The following CDK14 variants were observed in gnomAD, a reference collection of about 807,000 sequenced individuals.
The protein encoded by CDK14 is cyclin dependent kinase 14.
Under a neutral mutation model 60.7 loss-of-function variants are expected in CDK14, and 34 were observed. That is an observed-to-expected ratio of 0.56 (90% confidence interval 0.43 to 0.75). The LOEUF (loss-of-function observed/expected upper bound fraction) is 0.75. CDK14 is among the 30% of genes least tolerant of loss of function. The probability of loss-of-function intolerance (pLI) is 0.00; values close to 1 mark genes in which losing one functional copy is unlikely to be tolerated. For synonymous variants in CDK14, 197 were observed against 203.7 expected, an observed-to-expected ratio of 0.97 and a Z score of 0.28; for missense variants, 482 against 564.1, an observed-to-expected ratio of 0.85 and a Z score of 1.47.
intron 3 of CDK14, among the ~76,000 whole-genome samples, chr7:90,735,624 G>C (rs890809274): frequency 6.6e-6 from 1 of 152,242 alleles, no homozygotes; most frequent in Non-Finnish European, 1.5e-5. Flanking sequence ...TGTTTACACT[G>C]TGAGGGTAAA....
At chr7:90,670,895 G>C (rs549209062) in intron 2 of CDK14, among the ~76,000 whole-genome samples, 2 of 152,142 alleles carry the variant, frequency 1.3e-5, no homozygotes, top group South Asian at 4.2e-4. Flanking sequence ...TCAAAATACA[G>C]TCATCCCTTC....
chr7:90,944,301 C>T (rs1794031033), intron 8 of CDK14, among the ~76,000 whole-genome samples: 1 of 152,162 alleles, frequency 6.6e-6, no homozygotes, highest in Admixed American at 6.5e-5. Context: ...TGGGATGACA[C>T]ACAAGTGCGA....
intron 4 of CDK14, among the ~76,000 whole-genome samples, chr7:90,786,926 C>A (rs1178411602): frequency 7.0e-3 from 613 of 87,648 alleles, no homozygotes; most frequent in African/African-American, 0.011. Context: ...ACCCTGTCTC[C>A]AAAAAAAAAA....
intron 5 of CDK14, among the ~76,000 whole-genome samples, chr7:90,857,084 G>T (rs1790844410): frequency 6.7e-6 from 1 of 149,732 alleles, no homozygotes. Context: ...AATATTAAAG[G>T]TTTTTTTCCC....
chr7:90,971,196 C>T (rs1027014463), intron 9 of CDK14, among the ~76,000 whole-genome samples: 1 of 150,854 alleles, frequency 6.6e-6, no homozygotes, highest in Non-Finnish European at 1.5e-5. Flanking sequence ...TATTGAACAC[C>T]TATTTTGTAC....
At chr7:90,687,628 T>C (rs1584794169) in intron 2 of CDK14, among the ~76,000 whole-genome samples, 1 of 152,230 alleles carries the variant, frequency 6.6e-6, no homozygotes, top group Non-Finnish European at 1.5e-5. Flanking sequence ...AGTGATATGC[T>C]AGGTTTTCAG....
At chr7:90,723,538 T>C (rs1386090489) in intron 2 of CDK14, among the ~76,000 whole-genome samples, 1 of 152,168 alleles carries the variant, frequency 6.6e-6, no homozygotes. Context: ...AGCACCAAAA[T>C]AGAAGAAACA....
At chr7:91,077,453 G>A (rs747254315) in intron 11 of CDK14, among the ~76,000 whole-genome samples, 1 of 151,842 alleles carries the variant, frequency 6.6e-6, no homozygotes, top group Non-Finnish European at 1.5e-5. Flanking sequence ...TGAACATATG[G>A]ACACAGCGAG....
intron 11 of CDK14, among the ~76,000 whole-genome samples, chr7:91,070,038 C>T (rs1263453666): frequency 6.6e-6 from 1 of 152,154 alleles, no homozygotes; most frequent in South Asian, 2.1e-4. Flanking sequence ...CCCAAGCAAT[C>T]CTCCCACCTC....
At chr7:91,091,465 A>T (rs190071787) in intron 12 of CDK14, among the ~76,000 whole-genome samples, 1,293 of 117,532 alleles carry the variant, frequency 0.011, 30 homozygotes, top group African/African-American at 0.038. Context: ...TTTATATATA[A>T]TATATATACA....
At position 90,745,572 on chromosome 7, in the gene CDK14, C is replaced by T. The variant is rs1357088061; in HGVS notation, c.370-2109C>T. 2.6e-5 allele frequency among the ~76,000 whole-genome samples: 4 copies of T among 152,118 alleles called. No individual in the cohort carries two copies. In the South Asian group the frequency reaches 6.2e-4, roughly 24 times the overall value. ...CTGGGACTACAGACTTGTGCCACCA[C>T]GCCCAGCTAATTTTTGTATTTTTAG... On this transcript the variant is annotated intron_variant, in intron 3 of 14. Transcript: ENST00000380050.
intron 14 of CDK14, among the ~76,000 whole-genome samples, chr7:91,186,363 A>C (rs1802194117): frequency 7.0e-6 from 1 of 143,438 alleles, no homozygotes; most frequent in Admixed American, 7.2e-5. Context: ...CATTTTATTT[A>C]TCTATTCTCT....
At chr7:91,167,645 A>G (rs1288507919) in intron 14 of CDK14, among the ~76,000 whole-genome samples, 2 of 152,216 alleles carry the variant, frequency 1.3e-5, no homozygotes, top group Admixed American at 1.3e-4. Context: ...CAAATGATCC[A>G]AGTGGACACC....
At chr7:91,161,944 A>G (rs757916509) in intron 14 of CDK14, among the ~76,000 whole-genome samples, 4 of 152,246 alleles carry the variant, frequency 2.6e-5, no homozygotes, top group Non-Finnish European at 5.9e-5. Flanking sequence ...CATTTTTAAT[A>G]TAACACTGAA....
chr7:90,636,269 G>C (rs895772513), intron 2 of CDK14, among the ~76,000 whole-genome samples: 2 of 152,210 alleles, frequency 1.3e-5, no homozygotes, highest in South Asian at 4.1e-4. Flanking sequence ...TTGGCTGTGG[G>C]TTTGTCATAG....
At chr7:90,869,827 G>A (rs150510755) in intron 6 of CDK14, among the ~76,000 whole-genome samples, 2 of 152,344 alleles carry the variant, frequency 1.3e-5, no homozygotes, top group Non-Finnish European at 2.9e-5. Context: ...TGTCCACTAA[G>A]CACCCTGCTG....
At chr7:91,053,602 T>C (rs1329704428) in intron 11 of CDK14, among the ~76,000 whole-genome samples, 1 of 152,240 alleles carries the variant, frequency 6.6e-6, no homozygotes, top group African/African-American at 2.4e-5. Flanking sequence ...AAATCTCCTC[T>C]GCAGATGTTT....
chr7:90,915,000 A>T (rs1167433606), intron 7 of CDK14, among the ~76,000 whole-genome samples: 1 of 152,168 alleles, frequency 6.6e-6, no homozygotes, highest in Non-Finnish European at 1.5e-5. Context: ...CCCTGGGAGC[A>T]TGGAGAAGGA....
chr7:90,675,600 T>C (rs972323176), intron 2 of CDK14, among the ~76,000 whole-genome samples: 1 of 152,210 alleles, frequency 6.6e-6, no homozygotes, highest in Non-Finnish European at 1.5e-5. Context: ...CTTTCTTGAA[T>C]CTCCTTTAGA....
Sources: gnomAD v4.1 joint callset for allele counts (sites outside exome capture counted in the v4.1 genomes callset) on GRCh38, gnomAD v4.1.1 for gene constraint, MANE v1.5 for transcripts, NCBI Gene and HGNC (gene_info 2026-07-23, HGNC 2026-07-21) for gene names.